NEO1: variants seen among roughly 807,000 people sequenced by gnomAD.
The protein encoded by NEO1 is neogenin 1, also known as neogenin.
NEO1 carries 63 observed loss-of-function variants against 159.7 expected under a neutral mutation model. That is an observed-to-expected ratio of 0.39 (90% CI 0.32 to 0.49). NEO1 has a LOEUF of 0.49. NEO1 is among the 20% of genes least tolerant of loss of function. NEO1 has a pLI of 0.85. For missense variants in NEO1, 1,615 were observed against 1,831.0 expected (o/e 0.88, Z 2.15); for synonymous variants, 633 against 662.0 (o/e 0.96, Z 0.67).
At chr15:73,154,918 GT>G (rs1349757939) in intron 5 of NEO1, among the ~76,000 whole-genome samples, 1 of 151,224 alleles carries the variant, frequency 6.6e-6, no homozygotes, top group Non-Finnish European at 1.5e-5. Context: ...TAAATTTGTT[GT>G]TTCTTCTTCT....
In NEO1 at chr15:73,122,769, T is replaced by C; in HGVS notation, c.693T>C (p.Tyr231=). ...CVVESGGPPK[Y]SDEVELKVLP... ...TGGAAAGTGGTGGGCCACCAAAGTA[T>C]AGTGATGAAGTTGAATTGAAGGTTC... The change falls in exon 3 of 29, where the codon TAT becomes TAC. Residue 231 remains tyrosine, a synonymous_variant. Transcript: ENST00000261908. 3 of 1,614,194 alleles carry C rather than the reference T, an allele frequency of 1.9e-6. No individual in the cohort carries two copies. Among genetic ancestry groups the C allele is most frequent in the Non-Finnish European group, 2.5e-6 (3 of 1,180,004 alleles).
intron 7 of NEO1, among the ~76,000 whole-genome samples, chr15:73,199,947 A>G (rs989672055): frequency 3.3e-5 from 5 of 152,126 alleles, no homozygotes; most frequent in African/African-American, 1.2e-4. Flanking sequence ...CTCATGACCT[A>G]ATCACCTCCC....
At chr15:73,093,068 G>A (rs187999574) in intron 1 of NEO1, among the ~76,000 whole-genome samples, 20 of 152,302 alleles carry the variant, frequency 1.3e-4, no homozygotes, top group Admixed American at 1.3e-3. Context: ...GTTTTAAGGA[G>A]TACTGGTCAG....
intron 7 of NEO1, among the ~76,000 whole-genome samples, chr15:73,218,976 G>A (rs2038068926): frequency 6.6e-6 from 1 of 151,864 alleles, no homozygotes; most frequent in African/African-American, 2.4e-5. Flanking sequence ...TTTTGAATGT[G>A]TTTGCTCTTG....
intron 7 of NEO1, among the ~76,000 whole-genome samples, chr15:73,187,594 G>A (rs1419776295): frequency 6.6e-6 from 1 of 152,114 alleles, no homozygotes; most frequent in Non-Finnish European, 1.5e-5. Flanking sequence ...TGTTTACATT[G>A]CTCACCTCTG....
intron 7 of NEO1, among the ~76,000 whole-genome samples, chr15:73,223,043 G>A (rs1016156705): frequency 6.6e-6 from 1 of 152,164 alleles, no homozygotes; most frequent in Non-Finnish European, 1.5e-5. Flanking sequence ...AACCAAAGCA[G>A]GTTTTGAACC....
chr15:73,236,252 G>T, intron 7 of NEO1, 95 bp from the exon 8 acceptor site: 2 of 1,547,456 alleles, frequency 1.3e-6, no homozygotes, highest in Non-Finnish European at 8.9e-7. Flanking sequence ...GTCGTGGTTT[G>T]CCCTTCATAT....
At chr15:73,278,773 A>G (rs953831626) in intron 22 of NEO1, among the ~76,000 whole-genome samples, 1 of 152,350 alleles carries the variant, frequency 6.6e-6, no homozygotes, top group Admixed American at 6.5e-5. Flanking sequence ...ATTCCCGTTT[A>G]ATACATTCAG....
intron 5 of NEO1, among the ~76,000 whole-genome samples, chr15:73,155,145 T>C (rs931525929): frequency 1.3e-5 from 2 of 152,154 alleles, no homozygotes; most frequent in Non-Finnish European, 2.9e-5. Context: ...AAAGACTTTT[T>C]CTGGGAAAGA....
At chr15:73,106,301 A>G (rs2070689331) in intron 1 of NEO1, among the ~76,000 whole-genome samples, 2 of 152,214 alleles carry the variant, frequency 1.3e-5, no homozygotes, top group South Asian at 4.1e-4. Context: ...AGGCCAGTGC[A>G]GTGCTGTACA....
chr15:73,256,056 A>AG (rs2040332717), intron 13 of NEO1: 1 of 152,202 alleles, frequency 6.6e-6, no homozygotes, highest in South Asian at 2.1e-4. Context: ...CCAAGAATTA[A>AG]TTTCATCACC....
chr15:73,281,187 G>A (rs1275803647), intron 22 of NEO1, among the ~76,000 whole-genome samples: 3 of 130,544 alleles, frequency 2.3e-5, no homozygotes, highest in Non-Finnish European at 5.1e-5. Context: ...CAGCCTGGAC[G>A]ACAGAGCGAG....
chr15:73,060,036 G>GT (rs554413085), intron 1 of NEO1, among the ~76,000 whole-genome samples: 9 of 148,684 alleles, frequency 6.1e-5, no homozygotes, highest in Non-Finnish European at 1.0e-4. Flanking sequence ...TGCTGTAGTG[G>GT]TAAAAAAAAA....
chr15:73,099,395 C>A (rs1475906273), intron 1 of NEO1, among the ~76,000 whole-genome samples: 1 of 152,164 alleles, frequency 6.6e-6, no homozygotes, highest in African/African-American at 2.4e-5. Flanking sequence ...TAGAAGAATT[C>A]TAGAACCTGG....
intron 5 of NEO1, among the ~76,000 whole-genome samples, chr15:73,137,418 G>A (rs544932634): frequency 6.6e-6 from 1 of 152,160 alleles, no homozygotes; most frequent in South Asian, 2.1e-4. Context: ...GATAGAGAAA[G>A]GTATCCCATT....
intron 1 of NEO1, among the ~76,000 whole-genome samples, chr15:73,069,692 A>C (rs2151306412): frequency 6.6e-6 from 1 of 152,148 alleles, no homozygotes; most frequent in Non-Finnish European, 1.5e-5. Flanking sequence ...ATACGCACAC[A>C]CGCACATATA....
At position 73,116,757 on chromosome 15, in the gene NEO1, T is replaced by A. The variant is rs748495516; in HGVS notation, c.348T>A (p.His116Gln). The change falls in exon 2 of 29, where the codon CAT becomes CAA. Residue 116 changes from histidine to glutamine, a missense_variant. His to Gln is a conservative substitution (Grantham distance 24). This residue lies in a region of NEO1 where 1,018 missense variants were observed against 1,115.4 expected (regional missense o/e 0.91). Coordinates refer to ENST00000261908, the MANE Select transcript of NEO1 (RefSeq NM_002499.4). ...CTTTATTTATCAGCAATGTGGTGCA[T>A]TCCAAACACAATAAACCTGATGAAG... Reference protein sequence around the residue: ...DGSLFISNVVHSKHNKPDEGY... With the variant: ...DGSLFISNVVQSKHNKPDEGY... The A allele has an allele frequency of 2.5e-6, 4 of 1,613,946 alleles. No homozygotes were observed. The African/African-American group carries it at 5.3e-5, about 22-fold the overall frequency.
At chr15:73,113,179 C>CTT (rs139631574) in intron 1 of NEO1, among the ~76,000 whole-genome samples, 36 of 144,652 alleles carry the variant, frequency 2.5e-4, no homozygotes, top group Middle Eastern at 3.6e-3. Flanking sequence ...CTCTTACTGG[C>CTT]TTTTTTTTTT....
intron 28 of NEO1, 60 bp from the exon 29 acceptor site, chr15:73,302,553 G>A: frequency 6.6e-7 from 1 of 1,508,220 alleles, no homozygotes; most frequent in Non-Finnish European, 9.1e-7. Flanking sequence ...CTCTCTCTGG[G>A]CTCTCCTTTC....
Sources: gnomAD v4.1 joint callset for allele counts (sites outside exome capture counted in the v4.1 genomes callset) on GRCh38, gnomAD v4.1.1 for gene constraint, gnomAD v4.1.1 regional missense constraint, MANE v1.5 for transcripts, NCBI Gene and HGNC (gene_info 2026-07-23, HGNC 2026-07-21) for gene names.